KLF12: variants seen among roughly 807,000 people sequenced by gnomAD.
The protein encoded by KLF12 is KLF transcription factor 12.
A neutral mutation model predicts 37.8 loss-of-function variants in KLF12; 9 were observed. The ratio of observed to expected loss-of-function variants is 0.24; its 90% CI spans 0.14 to 0.42. The LOEUF (loss-of-function observed/expected upper bound fraction) is 0.42, where lower values mean the gene tolerates loss of function less well. Ranked by LOEUF, KLF12 falls within the 10% of genes least tolerant of loss-of-function variation. The pLI, the probability that KLF12 is intolerant of heterozygous loss-of-function variation, is 1.00. For missense variants in KLF12, 411 were observed against 516.0 expected, an observed-to-expected ratio of 0.80 and a Z score of 1.97; for synonymous variants, 208 against 202.1, an observed-to-expected ratio of 1.03 and a Z score of -0.25.
chr13:74,209,294 G>A, the KLF12 span, among the ~76,000 whole-genome samples: 3 of 151,824 alleles, frequency 2.0e-5, no homozygotes, highest in Middle Eastern at 6.8e-3. Context: ...CTAACTTTGA[G>A]GGCCAAACAC....
At chr13:74,258,718 A>C in the KLF12 span, 5 of 152,130 alleles carry the variant, frequency 3.3e-5, no homozygotes, top group African/African-American at 1.2e-4. Context: ...TTAAACACTC[A>C]ACGAGGGAAT....
intron 1 of KLF12, among the ~76,000 whole-genome samples, chr13:74,073,730 G>T (rs981917376): frequency 3.3e-5 from 5 of 152,110 alleles, no homozygotes; most frequent in African/African-American, 1.2e-4. Context: ...GATTGAGGGG[G>T]GAATGCAGTG....
chr13:73,799,279 A>C (rs1473891435), intron 5 of KLF12, among the ~76,000 whole-genome samples: 1 of 152,146 alleles, frequency 6.6e-6, no homozygotes, highest in African/African-American at 2.4e-5. Flanking sequence ...GGGAGGAGGG[A>C]GAAGAGCAAA....
chr13:74,072,749 GCA>G (rs1345939071), intron 1 of KLF12, among the ~76,000 whole-genome samples: 2 of 152,092 alleles, frequency 1.3e-5, no homozygotes, highest in Non-Finnish European at 2.9e-5. Flanking sequence ...ACAAAAAATA[GCA>G]CACAATGACT....
the KLF12 span, among the ~76,000 whole-genome samples, chr13:74,304,311 G>A: frequency 1.5e-4 from 23 of 152,182 alleles, no homozygotes; most frequent in African/African-American, 3.9e-4. Context: ...ACTCTGAAGC[G>A]TTGCTCACTC....
chr13:74,235,936 T>A, the KLF12 span, among the ~76,000 whole-genome samples: 1 of 151,402 alleles, frequency 6.6e-6, no homozygotes, highest in African/African-American at 2.4e-5. Context: ...TTAGTTTATT[T>A]TTTTTATTTT....
intron 6 of KLF12, among the ~76,000 whole-genome samples, chr13:73,752,571 C>T (rs1878840602): frequency 6.7e-6 from 1 of 149,718 alleles, no homozygotes; most frequent in Non-Finnish European, 1.5e-5. Context: ...TCTTCATTTC[C>T]TTCCATAAGC....
At chr13:73,961,331 G>A (rs1891015651) in intron 2 of KLF12, among the ~76,000 whole-genome samples, 1 of 152,072 alleles carries the variant, frequency 6.6e-6, no homozygotes, top group Non-Finnish European at 1.5e-5. Context: ...CATGTAAGAA[G>A]CTTAGAAGTA....
intron 1 of KLF12, among the ~76,000 whole-genome samples, chr13:74,127,685 A>G (rs1057337858): frequency 6.6e-6 from 1 of 152,262 alleles, no homozygotes; most frequent in African/African-American, 2.4e-5. Context: ...GCAGTTGCGG[A>G]GAAATCATGC....
chr13:74,305,260 G>A, the KLF12 span, among the ~76,000 whole-genome samples: 4 of 152,114 alleles, frequency 2.6e-5, no homozygotes, highest in South Asian at 2.1e-4. Flanking sequence ...CTATATTTCC[G>A]TTGCTTTTGC....
intron 2 of KLF12, among the ~76,000 whole-genome samples, chr13:73,971,789 G>A (rs1891351025): frequency 6.6e-6 from 1 of 152,268 alleles, no homozygotes; most frequent in East Asian, 1.9e-4. Flanking sequence ...TACCACTTTG[G>A]GAGGCTAAGG....
chr13:74,111,168 GTAAGAATAA>G (rs1318537624), intron 1 of KLF12, among the ~76,000 whole-genome samples: 2 of 148,856 alleles, frequency 1.3e-5, no homozygotes, highest in African/African-American at 2.5e-5. Context: ...AAAAAAAAAA[GTAAGAATAA>G]TAAGAATAAT....
chr13:74,089,460 C>A (rs1197895000), intron 1 of KLF12, among the ~76,000 whole-genome samples: 1 of 151,916 alleles, frequency 6.6e-6, no homozygotes, highest in Non-Finnish European at 1.5e-5. Context: ...CACAGATAAC[C>A]TAATTATCTA....
the KLF12 span, among the ~76,000 whole-genome samples, chr13:74,201,616 A>C: frequency 1.0e-3 from 152 of 152,230 alleles, 5 homozygotes; most frequent in South Asian, 0.03. Flanking sequence ...GTTACTTTTG[A>C]ATCCTCATGA....
chr13:74,176,602 A>G, the KLF12 span, among the ~76,000 whole-genome samples: 2 of 151,974 alleles, frequency 1.3e-5, no homozygotes, highest in Admixed American at 1.3e-4. Context: ...CTGTTCTAGT[A>G]TTTTCCCTCA....
chr13:74,022,668 CA>C (rs58422903), intron 1 of KLF12, among the ~76,000 whole-genome samples: 125,043 of 136,570 alleles, frequency 0.92, 57,078 homozygotes, highest in East Asian at 0.99. Context: ...AGGGTAAATC[CA>C]AAAAAAAAAA....
At chr13:74,182,647 T>A in the KLF12 span, among the ~76,000 whole-genome samples, 2 of 152,164 alleles carry the variant, frequency 1.3e-5, no homozygotes, top group East Asian at 1.9e-4. Flanking sequence ...AGAAGAGCAA[T>A]CCTATTTTTG....
At chr13:73,931,848 T>A (rs1304276383) in intron 3 of KLF12, among the ~76,000 whole-genome samples, 2 of 151,838 alleles carry the variant, frequency 1.3e-5, no homozygotes, top group Non-Finnish European at 2.9e-5. Flanking sequence ...ATACATTGAC[T>A]ATTTTTAAGT....
At chr13:73,773,264 C>T (rs145417327) in intron 5 of KLF12, among the ~76,000 whole-genome samples, 5 of 152,126 alleles carry the variant, frequency 3.3e-5, no homozygotes, top group South Asian at 2.1e-4. Flanking sequence ...GACATCTTCT[C>T]GATTGACTTT....
Sources: gnomAD v4.1 joint callset for allele counts (sites outside exome capture counted in the v4.1 genomes callset) on GRCh38, gnomAD v4.1.1 for gene constraint, MANE v1.5 for transcripts, NCBI Gene and HGNC (gene_info 2026-07-23, HGNC 2026-07-21) for gene names.